KLF12: variants seen among roughly 807,000 people sequenced by gnomAD.
KLF12 encodes KLF transcription factor 12, also known as Krueppel-like factor 12.
KLF12 carries 9 observed loss-of-function variants against 37.8 expected under a neutral mutation model. That is an observed-to-expected ratio of 0.24 (90% CI 0.14 to 0.42). The LOEUF (loss-of-function observed/expected upper bound fraction) is 0.42, where lower values mean the gene tolerates loss of function less well. Among genes scored for constraint, KLF12 ranks in the 10% least tolerant of loss-of-function variants. KLF12 has a pLI of 1.00. For missense variants in KLF12, 411 were observed against 516.0 expected (o/e 0.80, Z 1.97); for synonymous variants, 208 against 202.1 (o/e 1.03, Z -0.25).
At chr13:74,052,368 T>C (rs1455326223) in intron 1 of KLF12, among the ~76,000 whole-genome samples, 2 of 152,168 alleles carry the variant, frequency 1.3e-5, no homozygotes, top group African/African-American at 4.8e-5. Flanking sequence ...ATTCTGAGAA[T>C]TACATTTTAA....
At chr13:74,176,082 C>A in the KLF12 span, among the ~76,000 whole-genome samples, 124 of 152,282 alleles carry the variant, frequency 8.1e-4, 1 homozygote, top group East Asian at 0.022. Flanking sequence ...ATTACAACTT[C>A]TTGAAATTGA....
At chr13:73,767,330 C>T (rs529349506) in intron 5 of KLF12, among the ~76,000 whole-genome samples, 2 of 152,292 alleles carry the variant, frequency 1.3e-5, no homozygotes, top group East Asian at 3.9e-4. Context: ...TTCATGACCT[C>T]CTGATTCTTG....
At chr13:73,990,859 TA>T (rs1460279004) in intron 2 of KLF12, among the ~76,000 whole-genome samples, 1 of 152,188 alleles carries the variant, frequency 6.6e-6, no homozygotes, top group Non-Finnish European at 1.5e-5. Context: ...AATATGATCT[TA>T]TTTTTAAAAA....
At chr13:73,904,973 C>A (rs965955916) in intron 3 of KLF12, among the ~76,000 whole-genome samples, 7 of 146,144 alleles carry the variant, frequency 4.8e-5, no homozygotes, top group African/African-American at 1.8e-4. Context: ...AAAAAAAAAT[C>A]ATCTAAAACA....
At chr13:74,279,654 C>T in the KLF12 span, among the ~76,000 whole-genome samples, 1 of 151,778 alleles carries the variant, frequency 6.6e-6, no homozygotes, top group African/African-American at 2.4e-5. Context: ...AACCAATGAA[C>T]AAAATGGTAA....
At chr13:74,246,990 T>C in the KLF12 span, among the ~76,000 whole-genome samples, 1 of 152,298 alleles carries the variant, frequency 6.6e-6, no homozygotes, top group Non-Finnish European at 1.5e-5. Context: ...AATATGATCA[T>C]AATATAGACA....
chr13:73,712,731 A>T (rs1210758041), intron 7 of KLF12, among the ~76,000 whole-genome samples: 1 of 152,148 alleles, frequency 6.6e-6, no homozygotes, highest in African/African-American at 2.4e-5. Flanking sequence ...AGCAACTATC[A>T]CCCTGATCAG....
intron 1 of KLF12, among the ~76,000 whole-genome samples, chr13:74,119,970 C>A (rs542112219): frequency 6.6e-6 from 1 of 150,678 alleles, no homozygotes; most frequent in African/African-American, 2.4e-5. Flanking sequence ...AAAAAAGAAA[C>A]ATTACATATA....
chr13:74,102,634 G>A (rs1317381937), intron 1 of KLF12, among the ~76,000 whole-genome samples: 2 of 151,880 alleles, frequency 1.3e-5, no homozygotes, highest in Admixed American at 6.6e-5. Flanking sequence ...GAGGTGGGGG[G>A]TTGCAGTGAG....
At chr13:73,925,274 T>C (rs1302759398) in intron 3 of KLF12, among the ~76,000 whole-genome samples, 2 of 152,210 alleles carry the variant, frequency 1.3e-5, no homozygotes, top group African/African-American at 4.8e-5. Context: ...AAGCACAGGC[T>C]GACTCTCTTG....
intron 2 of KLF12, among the ~76,000 whole-genome samples, chr13:73,948,766 T>C (rs776499704): frequency 6.6e-6 from 1 of 152,224 alleles, no homozygotes; most frequent in Non-Finnish European, 1.5e-5. Context: ...TAACAACTAA[T>C]TGCAAAACCT....
At chr13:74,095,191 C>G (rs1003413075) in intron 1 of KLF12, among the ~76,000 whole-genome samples, 12 of 152,058 alleles carry the variant, frequency 7.9e-5, no homozygotes, top group Non-Finnish European at 1.5e-4. Flanking sequence ...AAAGATCAGT[C>G]ATCTTTTTTT....
upstream of KLF12, among the ~76,000 whole-genome samples, chr13:74,137,738 TTTTTTTA>T (rs1316911084): frequency 6.6e-6 from 1 of 152,038 alleles, no homozygotes; most frequent in African/African-American, 2.4e-5. Context: ...TAGAAAAATC[TTTTTTTA>T]TTTTTTATTT....
the KLF12 span, among the ~76,000 whole-genome samples, chr13:74,195,877 C>G: frequency 6.6e-6 from 1 of 152,152 alleles, no homozygotes; most frequent in Non-Finnish European, 1.5e-5. Context: ...AGCTACCGCA[C>G]CTGGCAGTTG....
intron 6 of KLF12, among the ~76,000 whole-genome samples, chr13:73,748,229 G>A (rs973449482): frequency 6.6e-6 from 1 of 152,174 alleles, no homozygotes; most frequent in Non-Finnish European, 1.5e-5. Context: ...AAGTCGGACT[G>A]AAGTGATGTT....
intron 5 of KLF12, among the ~76,000 whole-genome samples, chr13:73,798,025 T>G (rs990176027): frequency 1.3e-5 from 2 of 152,182 alleles, no homozygotes; most frequent in Non-Finnish European, 2.9e-5. Flanking sequence ...ATTTCTAATA[T>G]GCAGCAAGAT....
chr13:73,987,199 C>A (rs977070533), intron 2 of KLF12, among the ~76,000 whole-genome samples: 3 of 151,856 alleles, frequency 2.0e-5, no homozygotes, highest in Non-Finnish European at 4.4e-5. Context: ...CTTCTTGAGT[C>A]AATAATTATT....
chr13:74,093,358 C>T (rs766725947), intron 1 of KLF12, among the ~76,000 whole-genome samples: 3 of 152,126 alleles, frequency 2.0e-5, no homozygotes, highest in African/African-American at 7.2e-5. Context: ...AAGCTTCACC[C>T]AGAACTTTAT....
chr13:73,772,309 CA>C (rs1880320130), intron 5 of KLF12, among the ~76,000 whole-genome samples: 1 of 152,266 alleles, frequency 6.6e-6, no homozygotes, highest in Middle Eastern at 3.4e-3. Context: ...GGGGATGCTA[CA>C]AGGATTCAAA....
Sources: allele counts gnomAD v4.1 joint callset (sites outside exome capture counted in the v4.1 genomes callset), GRCh38; gene constraint gnomAD v4.1.1; transcripts MANE v1.5; gene names NCBI Gene and HGNC (gene_info 2026-07-23, HGNC 2026-07-21).